The following MTMR7 variants were observed in gnomAD, a reference collection of about 807,000 sequenced individuals.
MTMR7 encodes phosphatidylinositol-3-phosphate phosphatase MTMR7.
In MTMR7, 76 loss-of-function variants were observed where a neutral mutation model predicts 81.2. The observed-to-expected ratio is 0.94, with a 90% CI of 0.78 to 1.13. The LOEUF is 1.13. Ranked by LOEUF, MTMR7 falls within the 50% of genes most tolerant of loss-of-function variation. The pLI is 0.00. For synonymous variants in MTMR7, 372 were observed against 289.8 expected, an observed-to-expected ratio of 1.28 and a Z score of -2.88; for missense variants, 1,044 against 820.0, an observed-to-expected ratio of 1.27 and a Z score of -3.34.
At chr8:17,328,633 G>C (rs913035348) in intron 7 of MTMR7, among the ~76,000 whole-genome samples, 6 of 152,144 alleles carry the variant, frequency 3.9e-5, no homozygotes, top group Non-Finnish European at 7.3e-5. Context: ...TTAACAGTTA[G>C]ATGATGGGTT....
At chr8:17,367,743 A>C (rs1457375225) in intron 3 of MTMR7, among the ~76,000 whole-genome samples, 5 of 152,152 alleles carry the variant, frequency 3.3e-5, no homozygotes, top group Admixed American at 1.3e-4. Context: ...TGTCTGAAGC[A>C]ATTTCCCTTT....
chr8:17,405,152 T>C (rs1309638551), intron 1 of MTMR7, among the ~76,000 whole-genome samples: 1 of 152,202 alleles, frequency 6.6e-6, no homozygotes, highest in Admixed American at 6.5e-5. Context: ...GCGCCCAGCC[T>C]ATCAGTTATT....
At chr8:17,330,403 C>T (rs1261306712) in intron 7 of MTMR7, among the ~76,000 whole-genome samples, 1 of 152,220 alleles carries the variant, frequency 6.6e-6, no homozygotes, top group Non-Finnish European at 1.5e-5. Flanking sequence ...TCTGTCTTTT[C>T]CCAGTTCGCA....
At chr8:17,337,554 T>TC (rs1191706307) in intron 6 of MTMR7, among the ~76,000 whole-genome samples, 3 of 152,096 alleles carry the variant, frequency 2.0e-5, no homozygotes, top group African/African-American at 7.2e-5. Context: ...CTGAAGAGTA[T>TC]AATTTTTTTT....
chr8:17,364,844 C>T (rs917591947), intron 3 of MTMR7, among the ~76,000 whole-genome samples: 3 of 152,210 alleles, frequency 2.0e-5, no homozygotes, highest in Non-Finnish European at 4.4e-5. Flanking sequence ...GATTCCACAA[C>T]GTGGCTACTG....
chr8:17,322,578 G>T (rs1399258264), intron 7 of MTMR7, among the ~76,000 whole-genome samples: 1 of 152,188 alleles, frequency 6.6e-6, no homozygotes, highest in South Asian at 2.1e-4. Flanking sequence ...CCAGAACTTT[G>T]GGAGGCCAAG....
intron 1 of MTMR7, among the ~76,000 whole-genome samples, chr8:17,402,380 C>T (rs561561305): frequency 3.9e-5 from 6 of 152,262 alleles, no homozygotes; most frequent in African/African-American, 1.2e-4. Context: ...TTAACAATTG[C>T]CACTATCCGC....
chr8:17,348,661 C>T (rs763550939), intron 5 of MTMR7, among the ~76,000 whole-genome samples: 1 of 151,900 alleles, frequency 6.6e-6, no homozygotes, highest in Non-Finnish European at 1.5e-5. Flanking sequence ...CAAAGAGATT[C>T]CCAAGGTGCC....
chr8:17,335,379 G>A (rs779234838), intron 6 of MTMR7, among the ~76,000 whole-genome samples: 1 of 152,168 alleles, frequency 6.6e-6, no homozygotes, highest in Non-Finnish European at 1.5e-5. Context: ...AGACTGTGAA[G>A]AAACAGCATG....
intron 7 of MTMR7, among the ~76,000 whole-genome samples, chr8:17,314,961 G>T (rs1246532407): frequency 6.6e-6 from 1 of 152,136 alleles, no homozygotes; most frequent in Non-Finnish European, 1.5e-5. Flanking sequence ...TAAATGAGAG[G>T]GTGCTTAGTG....
At chr8:17,379,732 T>C (rs1216511448) in intron 1 of MTMR7, among the ~76,000 whole-genome samples, 1 of 152,040 alleles carries the variant, frequency 6.6e-6, no homozygotes, top group Non-Finnish European at 1.5e-5. Flanking sequence ...GCACTGTTAG[T>C]CTTTTGGGAA....
chr8:17,333,786 C>T (rs1205151877), intron 6 of MTMR7, among the ~76,000 whole-genome samples: 1 of 152,114 alleles, frequency 6.6e-6, no homozygotes, highest in Non-Finnish European at 1.5e-5. Context: ...GAGGTCAACG[C>T]TGCAGTGAGC....
intron 12 of MTMR7, among the ~76,000 whole-genome samples, chr8:17,302,925 G>A (rs1817222344): frequency 6.6e-6 from 1 of 151,706 alleles, no homozygotes; most frequent in Non-Finnish European, 1.5e-5. Flanking sequence ...TGGTCAGGTT[G>A]GTCATGAACT....
At chr8:17,322,396 T>C (rs921252221) in intron 7 of MTMR7, among the ~76,000 whole-genome samples, 4 of 152,234 alleles carry the variant, frequency 2.6e-5, no homozygotes, top group African/African-American at 9.6e-5. Context: ...TATTAGTATA[T>C]ATGAATGTGA....
intron 1 of MTMR7, among the ~76,000 whole-genome samples, chr8:17,375,033 G>T (rs904190516): frequency 6.6e-6 from 1 of 150,734 alleles, no homozygotes; most frequent in East Asian, 2.3e-4. Context: ...AGGTTGCAGT[G>T]AGCCGAGATC....
At position 17,309,322 on chromosome 8, in the gene MTMR7, A is replaced by G. The variant is rs1328256838; in HGVS notation, c.1106T>C (p.Leu369Ser). The G allele has an allele frequency of 3.2e-6, 5 of 1,559,972 alleles. No individual in the cohort carries two copies. Among genetic ancestry groups the G allele is most frequent in the Non-Finnish European group, 4.4e-6 (5 of 1,131,700 alleles). ...AAAGGAAATCCAGTCCTTTTCAATT[A>G]ATACCTACACAAGAAAGAATACAAA... ...HYRTLKGFMVLIEKDWISFGH... is the reference protein window; with the variant it reads ...HYRTLKGFMVSIEKDWISFGH... Residue 369 changes from leucine (L) to serine (S), a missense_variant, in exon 10 of 14, where the codon TTA becomes TCA. By Grantham distance (145) the Leu-to-Ser change is moderately radical (BLOSUM62 -2). Transcript: ENST00000180173.
chr8:17,305,805 T>A lies in MTMR7; in HGVS notation c.1304A>T (p.Gln435Leu). ...GCTGTTACATAGGAAGTTTCCAAAC[T>A]GGCAGGAATAAATGTGATGTTGAAT... ...IHIQHHIYSC[Q>L]FGNFLCNSQK... The change falls in exon 11 of 14, where the codon CAG becomes CTG. Residue 435 changes from glutamine to leucine, a missense_variant. Gln to Leu is a moderately radical substitution (Grantham distance 113, BLOSUM62 -2). Coordinates refer to ENST00000180173, the MANE Select transcript of MTMR7 (RefSeq NM_004686.5). 2.5e-6 allele frequency: 4 copies of A among 1,613,614 alleles called. No individual in the cohort carries two copies. Among genetic ancestry groups the A allele is most frequent in the Non-Finnish European group, 3.4e-6 (4 of 1,179,658 alleles).
At chr8:17,314,948 C>T (rs575570976) in intron 7 of MTMR7, among the ~76,000 whole-genome samples, 9 of 152,190 alleles carry the variant, frequency 5.9e-5, no homozygotes, top group African/African-American at 1.7e-4. Flanking sequence ...ACATGCAGAA[C>T]GGTAAATGAG....
At chr8:17,332,050 T>A (rs988203221) in intron 6 of MTMR7, among the ~76,000 whole-genome samples, 4 of 152,174 alleles carry the variant, frequency 2.6e-5, no homozygotes, top group African/African-American at 9.7e-5. Context: ...GGACAAGTCC[T>A]ACTTTAGCTG....
Sources: gnomAD v4.1 joint callset for allele counts (sites outside exome capture counted in the v4.1 genomes callset) on GRCh38, gnomAD v4.1.1 for gene constraint, MANE v1.5 for transcripts, NCBI Gene and HGNC (gene_info 2026-07-23, HGNC 2026-07-21) for gene names.